Variants in ERC2 observed in about 807,000 individuals in gnomAD.
ERC2 encodes ELKS/RAB6-interacting/CAST family member 2, also known as ERC protein 2.
ERC2 carries 42 observed loss-of-function variants against 114.8 expected under a neutral mutation model. The observed-to-expected ratio is 0.37, with a 90% CI of 0.29 to 0.47. ERC2 has a LOEUF of 0.47. Ranked by LOEUF, ERC2 falls within the 20% of genes least tolerant of loss-of-function variation. The probability of loss-of-function intolerance (pLI) is 0.99; values close to 1 mark genes in which losing one functional copy is unlikely to be tolerated. For missense variants in ERC2, 939 were observed against 1,150.7 expected (o/e 0.82, Z 2.66); for synonymous variants, 454 against 425.5 (o/e 1.07, Z -0.82).
At chr3:55,970,325 A>G (rs1479792679) in intron 12 of ERC2, among the ~76,000 whole-genome samples, 1 of 152,028 alleles carries the variant, frequency 6.6e-6, no homozygotes, top group Non-Finnish European at 1.5e-5. Context: ...TGTGTATTAA[A>G]CAGGATTTTA....
intron 17 of ERC2, among the ~76,000 whole-genome samples, chr3:55,676,441 C>CCTATTATTATTA (rs2061814928): frequency 1.4e-5 from 2 of 142,200 alleles, no homozygotes; most frequent in Non-Finnish European, 3.0e-5. Context: ...TACTGAGCTG[C>CCTATTATTATTA]TTATTATTAT....
chr3:56,145,216 T>A (rs1009433696), intron 5 of ERC2, among the ~76,000 whole-genome samples: 1 of 152,186 alleles, frequency 6.6e-6, no homozygotes, highest in Non-Finnish European at 1.5e-5. Context: ...AGGTTTGTAA[T>A]CTATCAGAGG....
intron 6 of ERC2, among the ~76,000 whole-genome samples, chr3:56,098,225 A>T (rs2078166914): frequency 6.6e-6 from 1 of 152,220 alleles, no homozygotes; most frequent in African/African-American, 2.4e-5. Context: ...ACAAGTAAGG[A>T]TGTTTTCAGG....
At chr3:55,986,776 CA>C (rs1260825310) in intron 11 of ERC2, among the ~76,000 whole-genome samples, 1 of 150,970 alleles carries the variant, frequency 6.6e-6, no homozygotes, top group Non-Finnish European at 1.5e-5. Context: ...TTGGTTAAAA[CA>C]ATAATCTCTA....
Position 56,026,049 on chromosome 3 carries a change from G to GTTTC in ERC2, c.1642-7022_1642-7019dup, listed in dbSNP as rs2074024225. On this transcript the variant is annotated intron_variant, in intron 7 of 17. Transcript: ENST00000288221. ...TGTATGCAGCAAACCCCCTTCCTCC[G>GTTTC]TTTCTTTCTTTTTTTTTTTTTTTTT... Among the ~76,000 whole-genome samples the GTTTC allele has an allele frequency of 5.8e-5, 7 of 119,690 alleles. No homozygotes were observed. In the South Asian group the frequency reaches 1.3e-3, roughly 22 times the overall value. 78.5% of individuals were successfully genotyped at this position (119,690 alleles called of 152,430 possible).
At chr3:56,318,130 T>C (rs190184880) in intron 2 of ERC2, among the ~76,000 whole-genome samples, 279 of 152,310 alleles carry the variant, frequency 1.8e-3, no homozygotes, top group Middle Eastern at 0.01. Flanking sequence ...AGTACAAAAA[T>C]AGTTGTCTTA....
intron 15 of ERC2, among the ~76,000 whole-genome samples, chr3:55,720,574 C>T (rs995629579): frequency 2.6e-5 from 4 of 151,942 alleles, no homozygotes; most frequent in Admixed American, 6.6e-5. Context: ...TGTGAGCCAC[C>T]GCACCCAGCT....
At chr3:55,964,970 T>C (rs1320861215) in intron 12 of ERC2, among the ~76,000 whole-genome samples, 3 of 152,200 alleles carry the variant, frequency 2.0e-5, no homozygotes, top group Non-Finnish European at 4.4e-5. Flanking sequence ...TTTGATTCTT[T>C]GAGGCTAGCA....
intron 14 of ERC2, among the ~76,000 whole-genome samples, chr3:55,814,599 G>A (rs191895063): frequency 1.5e-4 from 23 of 152,314 alleles, no homozygotes; most frequent in African/African-American, 5.3e-4. Context: ...AGAAATGTTG[G>A]CTGAGGTGGT....
At chr3:55,806,250 G>T (rs2059482856) in intron 14 of ERC2, among the ~76,000 whole-genome samples, 1 of 151,440 alleles carries the variant, frequency 6.6e-6, no homozygotes, top group Admixed American at 6.6e-5. Flanking sequence ...CAGAAGAATT[G>T]CTTGAACCCA....
chr3:56,186,084 G>C (rs1000771795), intron 3 of ERC2, among the ~76,000 whole-genome samples: 22 of 118,016 alleles, frequency 1.9e-4, no homozygotes, highest in Non-Finnish European at 3.2e-4. Flanking sequence ...CCACCTAAAT[G>C]ATTTGAAAGC....
At chr3:55,520,056 A>AG in intron 17 of ERC2, among the ~76,000 whole-genome samples, 1 of 14,898 alleles carries the variant, frequency 6.7e-5, no homozygotes, top group South Asian at 1.5e-3. Flanking sequence ...CCCAGTCTCC[A>AG]AAAAAAAAGG....
intron 17 of ERC2, among the ~76,000 whole-genome samples, chr3:55,512,903 C>G (rs1284394723): frequency 2.0e-5 from 3 of 152,342 alleles, no homozygotes; most frequent in Middle Eastern, 3.4e-3. Context: ...AACAAGGAAA[C>G]CTCAAGTGAC....
chr3:55,534,785 T>C (rs12491100), intron 17 of ERC2, among the ~76,000 whole-genome samples: 23,222 of 152,172 alleles, frequency 0.15, 2,138 homozygotes, highest in Middle Eastern at 0.27. Flanking sequence ...AATTCTTCCC[T>C]TTTCTTGGGG....
intron 6 of ERC2, among the ~76,000 whole-genome samples, chr3:56,118,066 G>C (rs1474463867): frequency 6.6e-6 from 1 of 152,206 alleles, no homozygotes; most frequent in African/African-American, 2.4e-5. Flanking sequence ...GGCCAGAATA[G>C]AGAATATGTT....
chr3:56,339,518 G>C (rs184477687), intron 2 of ERC2, among the ~76,000 whole-genome samples: 7 of 152,174 alleles, frequency 4.6e-5, no homozygotes, highest in Admixed American at 1.3e-4. Flanking sequence ...GCACTTAAAG[G>C]CCTCTGACTT....
intron 17 of ERC2, among the ~76,000 whole-genome samples, chr3:55,670,988 G>T (rs1576047368): frequency 1.3e-5 from 2 of 152,166 alleles, no homozygotes; most frequent in East Asian, 3.9e-4. Context: ...TTATGGAGTT[G>T]CAGCCAAGAC....
At chr3:55,945,645 G>A (rs1203682778) in intron 13 of ERC2, among the ~76,000 whole-genome samples, 6 of 151,442 alleles carry the variant, frequency 4.0e-5, no homozygotes, top group East Asian at 1.9e-4. Context: ...AGTCCCCTTC[G>A]AAAAAAGATA....
At chr3:55,878,131 T>C (rs1479726699) in intron 14 of ERC2, among the ~76,000 whole-genome samples, 1 of 152,218 alleles carries the variant, frequency 6.6e-6, no homozygotes, top group Non-Finnish European at 1.5e-5. Context: ...TGGAATTATT[T>C]AAACTCTATG....
Sources: gnomAD v4.1 joint callset for allele counts (sites outside exome capture counted in the v4.1 genomes callset) on GRCh38, gnomAD v4.1.1 for gene constraint, MANE v1.5 for transcripts, NCBI Gene and HGNC (gene_info 2026-07-23, HGNC 2026-07-21) for gene names.